Variants in BAZ2A observed in about 807,000 individuals in gnomAD.
The protein encoded by BAZ2A is bromodomain adjacent to zinc finger domain protein 2A.
BAZ2A carries 34 observed loss-of-function variants against 199.9 expected under a neutral mutation model. That is an observed-to-expected ratio of 0.17 (90% CI 0.13 to 0.23). The LOEUF (loss-of-function observed/expected upper bound fraction) is 0.23. Among genes scored for constraint, BAZ2A ranks in the 10% least tolerant of loss-of-function variants. The pLI is 1.00. For missense variants in BAZ2A, 2,002 were observed against 2,391.1 expected, an observed-to-expected ratio of 0.84 and a Z score of 3.39; for synonymous variants, 857 against 883.9, an observed-to-expected ratio of 0.97 and a Z score of 0.54.
Position 56,599,226 on chromosome 12 carries a change from G to C in BAZ2A, c.5305C>G (p.Pro1769Ala). The change falls in exon 27 of 29, where the codon CCA (proline) becomes GCA (alanine). Residue 1769 changes from proline (P) to alanine (A), a missense_variant. By Grantham distance (27) the Pro-to-Ala change is conservative (BLOSUM62 -1). Transcript: ENST00000549884. The stretch of plus-strand genomic sequence containing the variant: ...TCCGAGTACCGAGGCCCTGCTGCTG[G>C]GCTTTCTCGGCCCCTCAACAGTACC... ...RRVLLRGRES[P>A]AAGPRYSEEG... The C allele has an allele frequency of 1.2e-6, 2 of 1,613,230 alleles. No homozygotes were observed. The highest frequency in any genetic ancestry group is 1.7e-6 in the Non-Finnish European group (2 of 1,179,674).
Position 56,603,645 on chromosome 12 carries a change from G to T in BAZ2A, c.3094C>A (p.Pro1032Thr). The change falls in exon 17 of 29, where the codon CCA becomes ACA. Residue 1032 changes from proline to threonine, a missense_variant. By Grantham distance (38) the Pro-to-Thr change is conservative. Coordinates refer to ENST00000549884, the MANE Select transcript of BAZ2A (RefSeq NM_001300905.2). ...CGCCTCCGTCCCAGGCATTCCTCTG[G>T]CCCTTCCATCTCTACTTCAGACCGC... Reference protein sequence around the residue: ...TGRSEVEMEGPEECLGRRRSS... With the variant: ...TGRSEVEMEGTEECLGRRRSS... The T allele has an allele frequency of 6.2e-7, 1 of 1,613,932 alleles. No homozygotes were observed. The highest frequency in any genetic ancestry group is 2.2e-5 in the East Asian group (1 of 44,888).
intron 11 of BAZ2A, 83 bp from the exon 12 acceptor site, chr12:56,606,395 G>A: frequency 6.6e-7 from 1 of 1,520,998 alleles, no homozygotes; most frequent in Non-Finnish European, 9.1e-7. Context: ...AGACAAGGGT[G>A]CTGGGGAGGA....
chr12:56,600,146 A>G (rs1447631116), intron 24 of BAZ2A, 50 bp from the exon 25 acceptor site: 6 of 1,612,450 alleles, frequency 3.7e-6, no homozygotes, highest in Non-Finnish European at 5.1e-6. Context: ...TCCACTAAAG[A>G]GGGAACTTAT....
chr12:56,613,735 A>G lies in BAZ2A; in HGVS notation c.916+218T>C, dbSNP rs547908945. ...ATTACAGCCCAGAGCTCTTGGCCAA[A>G]AGGAATACTGGGAAAGAACCTGGGA... is the stretch of plus-strand genomic sequence containing the variant. On this transcript the variant is annotated intron_variant, in intron 4 of 28. Coordinates refer to ENST00000549884, the MANE Select transcript of BAZ2A (RefSeq NM_001300905.2). Among the ~76,000 whole-genome samples the G allele has an allele frequency of 2.0e-5, 3 of 152,304 alleles. No individual in the cohort carries two copies. The East Asian group carries it at 5.8e-4, about 29-fold the overall frequency.
chr12:56,611,137 G>C (rs1950545481), intron 7 of BAZ2A, among the ~76,000 whole-genome samples: 1 of 152,170 alleles, frequency 6.6e-6, no homozygotes, highest in African/African-American at 2.4e-5. Flanking sequence ...GTGTCAGCTA[G>C]TTTGTTCATT....
rs183141027 is a variant in BAZ2A, at chr12:56,599,366, T to C, written c.5173-8A>G. The C allele has an allele frequency of 1.2e-4, 201 of 1,610,198 alleles. No homozygotes were observed. The highest frequency in any genetic ancestry group is 9.9e-4 in the Middle Eastern group (6 of 6,060). The stretch of plus-strand genomic sequence containing the variant: ...GAATTCTCCCTCCACCTGCTTAGTA[T>C]AGGAAACAGGTGAGATTAGCAACAG... On this transcript the variant is annotated splice_region_variant and splice_polypyrimidine_tract_variant and intron_variant, in intron 26 of 28. Transcript: ENST00000549884.
rs1019744585 is a variant in BAZ2A, at chr12:56,597,736, C to T, written c.*882G>A. 1 of 152,780 alleles carries T rather than the reference C, an allele frequency of 6.5e-6. No homozygotes were observed. The highest frequency in any genetic ancestry group is 1.5e-5 in the Non-Finnish European group (1 of 68,298). The allele number at this position is 152,780 out of a possible 1,614,324, so 9.5% of individuals were successfully genotyped here. On this transcript the variant is annotated 3_prime_UTR_variant, in exon 29 of 29. Coordinates refer to ENST00000549884, the MANE Select transcript of BAZ2A (RefSeq NM_001300905.2). ...CTCCATCTTAGGGTGCACCCAAACT[C>T]AGCAGTAGTTGTCCCTGAGGAGTTC...
intron 20 of BAZ2A, 53 bp downstream of exon 20, chr12:56,601,493 G>A (rs1886477814): frequency 6.3e-7 from 1 of 1,595,916 alleles, no homozygotes. Context: ...CCCAGGCAAT[G>A]GTGCCTGTGG....
At chr12:56,611,537 T>C (rs1353842179) in intron 7 of BAZ2A, 36 bp downstream of exon 7, 3 of 1,587,558 alleles carry the variant, frequency 1.9e-6, no homozygotes, top group Non-Finnish European at 2.6e-6. Context: ...ATTAAACTTG[T>C]CAAGGTCAAT....
rs569870999 is a variant in BAZ2A, at chr12:56,605,666, C to T, written c.2493+164G>A. The stretch of plus-strand genomic sequence containing the variant: ...TGAACTGCTGGGCTCAAGCGATCTG[C>T]CCGCCTCGGCCTCCCAAAGTGCTGG... On this transcript the variant is annotated intron_variant, in intron 13 of 28. Transcript: ENST00000549884. 273 of 791,278 alleles carry T rather than the reference C, an allele frequency of 3.5e-4. 2 individuals are homozygous for T. The East Asian group carries it at 6.4e-3, about 19-fold the overall frequency. 49.0% of individuals were successfully genotyped at this position (791,278 alleles called of 1,614,324 possible). A position where few individuals can be genotyped will look rare whatever the true frequency, so the allele number is the denominator to read the frequency against.
chr12:56,600,532 G>A lies in BAZ2A; in HGVS notation c.4603-42C>T, dbSNP rs1186546286. The A allele has an allele frequency of 3.2e-6, 5 of 1,578,200 alleles. No homozygotes were observed. The African/African-American group carries it at 4.1e-5, about 13-fold the overall frequency. On this transcript the variant is annotated intron_variant, in intron 23 of 28. Transcript: ENST00000549884. The stretch of plus-strand genomic sequence containing the variant: ...GGAATAAAACTCACTGTAAAAGGAG[G>A]AAAATTTGGCATAGGAAAAAAAAAA...
chr12:56,597,890 C>T lies in BAZ2A; in HGVS notation c.*728G>A, dbSNP rs948764108. Reference sequence around the variant, plus strand: ...CATGTGAGGAGCATCCAACATCATACAGGGGATAGCTATCGGCAGGAAGAT... The same window carrying T: ...CATGTGAGGAGCATCCAACATCATATAGGGGATAGCTATCGGCAGGAAGAT... On this transcript the variant is annotated 3_prime_UTR_variant, in exon 29 of 29. Transcript: ENST00000549884. The T allele has an allele frequency of 6.6e-6, 1 of 152,670 alleles. No homozygotes were observed. The allele number at this position is 152,670 out of a possible 1,614,324, so 9.5% of individuals were successfully genotyped here. A position where few individuals can be genotyped will look rare whatever the true frequency, so the allele number is the denominator to read the frequency against.
chr12:56,632,758 A>G (rs1354141921), upstream of BAZ2A, among the ~76,000 whole-genome samples: 1 of 152,116 alleles, frequency 6.6e-6, no homozygotes. Context: ...ACCCCACCTC[A>G]TCTCATCTAA....
In BAZ2A at chr12:56,610,177, C is replaced by T; in HGVS notation, c.1818G>A (p.Glu606=). 6.2e-7 allele frequency: 1 copy of T among 1,613,962 alleles called. No individual in the cohort carries two copies. Among genetic ancestry groups the T allele is most frequent in the South Asian group, 1.1e-5 (1 of 91,076 alleles). ...GCATACGGGGACTGAAGCTGAAGTG[C>T]TCTCGGCGGACACTGTGTACCACGT... is the stretch of plus-strand genomic sequence containing the variant. ...SRNVVHSVRR[E]HFSFSPRMPV... is the part of the protein sequence containing the mutation. The change falls in exon 9 of 29, where the codon GAG becomes GAA. Residue 606 remains glutamate (E), a synonymous_variant. Coordinates refer to ENST00000549884, the MANE Select transcript of BAZ2A (RefSeq NM_001300905.2).
At chr12:56,629,448 C>A (rs1195274449) in intron 1 of BAZ2A, among the ~76,000 whole-genome samples, 1 of 152,164 alleles carries the variant, frequency 6.6e-6, no homozygotes, top group East Asian at 1.9e-4. Flanking sequence ...TTTATTCTTC[C>A]CTTCTGCCCC....
At chr12:56,618,574 T>TA (rs1267304979) in intron 1 of BAZ2A, among the ~76,000 whole-genome samples, 10 of 152,146 alleles carry the variant, frequency 6.6e-5, no homozygotes, top group Non-Finnish European at 1.2e-4. Context: ...TCTGTCTTGA[T>TA]ACAGAAAAAG....
chr12:56,613,831 G>A, intron 4 of BAZ2A, 122 bp downstream of exon 4: 1 of 1,070,386 alleles, frequency 9.3e-7, no homozygotes, highest in East Asian at 2.6e-5. Flanking sequence ...GTCTGCCTTA[G>A]GCCTACCTGG....
Position 56,635,930 on chromosome 12 carries a change from CG to C in BAZ2A, c.4+251del, listed in dbSNP as rs1466284031. ...GCAGGGGCAATCCTCCACGGGGCGGCGGGGAGGGGGCTGGGAAAGCCCTGGC... is the reference window on the plus strand; with the variant it reads ...GCAGGGGCAATCCTCCACGGGGCGGCGGGAGGGGGCTGGGAAAGCCCTGGC... On this transcript the variant is annotated intron_variant, in intron 1 of 29. Coordinates refer to the BAZ2A transcript ENST00000379441. This position sits in a 1 kb window ranked among gnomAD's most constrained non-coding sequence, Gnocchi z 4.1. Among the ~76,000 whole-genome samples the C allele has an allele frequency of 2.0e-5, 3 of 151,614 alleles. No homozygotes were observed. The highest frequency in any genetic ancestry group is 2.9e-5 in the Non-Finnish European group (2 of 67,906).
At chr12:56,608,363 C>T (rs1950433955) in intron 10 of BAZ2A, among the ~76,000 whole-genome samples, 1 of 149,918 alleles carries the variant, frequency 6.7e-6, no homozygotes, top group Non-Finnish European at 1.5e-5. Context: ...CAGAGTAAGA[C>T]TCTGTCTCAA....
Sources: gnomAD v4.1 joint callset for allele counts (sites outside exome capture counted in the v4.1 genomes callset) on GRCh38, gnomAD v4.1.1 for gene constraint, Gnocchi (gnomAD v3.1) non-coding constraint, MANE v1.5 for transcripts, NCBI Gene and HGNC (gene_info 2026-07-23, HGNC 2026-07-21) for gene names.